Variants in NUP93 observed in about 807,000 individuals in gnomAD.
The protein encoded by NUP93 is nucleoporin 93, also known as nuclear pore complex protein Nup93.
Under a neutral mutation model 107.8 loss-of-function variants are expected in NUP93, and 55 were observed. The observed-to-expected ratio is 0.51, with a 90% CI of 0.41 to 0.64. NUP93 has a LOEUF of 0.64. NUP93 is among the 30% of genes least tolerant of loss of function. The probability of loss-of-function intolerance (pLI) is 0.00; values close to 1 mark genes in which losing one functional copy is unlikely to be tolerated. For synonymous variants in NUP93, 390 were observed against 397.5 expected, an observed-to-expected ratio of 0.98 and a Z score of 0.22; for missense variants, 937 against 1,044.7, an observed-to-expected ratio of 0.90 and a Z score of 1.42.
intron 3 of NUP93, among the ~76,000 whole-genome samples, chr16:56,795,547 A>G (rs924491830): frequency 1.3e-5 from 2 of 152,202 alleles, no homozygotes; most frequent in Admixed American, 6.5e-5. Context: ...GCCATTCGCC[A>G]TCCTACCCCC....
At position 56,773,687 on chromosome 16, in the gene NUP93, CTG is replaced by C. The variant is rs1271504399; in HGVS notation, c.297+15036_297+15037del. Among the ~76,000 whole-genome samples, 3 of 152,310 alleles carry C rather than the reference CTG, an allele frequency of 2.0e-5. No homozygotes were observed. In the East Asian group the frequency reaches 5.8e-4, roughly 29 times the overall value. ...AATCTGTGAGGGTGCGACCCAGAGTCTGTGTTTTAACAAGTACTCCAGCTTGA... is the reference window on the plus strand; with the variant it reads ...AATCTGTGAGGGTGCGACCCAGAGTCTGTTTTAACAAGTACTCCAGCTTGA... On this transcript the variant is annotated intron_variant, in intron 3 of 21. Transcript: ENST00000308159.
intron 6 of NUP93, 80 bp downstream of exon 6, chr16:56,818,818 A>G: frequency 3.3e-6 from 4 of 1,226,958 alleles, no homozygotes; most frequent in Non-Finnish European, 4.7e-6. Flanking sequence ...AAAAACTTGT[A>G]AAAGTCAAAC....
At chr16:56,735,463 A>G (rs1419198557) in intron 1 of NUP93, among the ~76,000 whole-genome samples, 1 of 152,204 alleles carries the variant, frequency 6.6e-6, no homozygotes, top group African/African-American at 2.4e-5. Flanking sequence ...TCTGGGAGGT[A>G]GAAAGTTAAA....
intron 9 of NUP93, among the ~76,000 whole-genome samples, chr16:56,829,916 T>C (rs549920273): frequency 6.6e-6 from 1 of 151,784 alleles, no homozygotes; most frequent in Non-Finnish European, 1.5e-5. Flanking sequence ...TCTGGAGGAG[T>C]TGAAGAAAAG....
chr16:56,740,773 CG>C (rs1171699287), intron 1 of NUP93: 1 of 157,464 alleles, frequency 6.4e-6, no homozygotes, highest in Admixed American at 6.5e-5. Flanking sequence ...TCTGCAGTCC[CG>C]GCACCTCGGG....
At chr16:56,747,779 G>C (rs1280655715) in intron 1 of NUP93, 1 of 152,906 alleles carries the variant, frequency 6.5e-6, no homozygotes, top group African/African-American at 2.4e-5. Flanking sequence ...TGGTTATGAG[G>C]GTCATTTGAC....
chr16:56,772,928 C>T (rs1962349067), intron 3 of NUP93, among the ~76,000 whole-genome samples: 1 of 152,190 alleles, frequency 6.6e-6, no homozygotes, highest in Admixed American at 6.5e-5. Flanking sequence ...TTCCTCCAGC[C>T]TGCTGGGAAG....
chr16:56,829,622 A>T (rs1567408923), intron 9 of NUP93, among the ~76,000 whole-genome samples: 1 of 152,210 alleles, frequency 6.6e-6, no homozygotes, highest in Non-Finnish European at 1.5e-5. Context: ...ACTTGCTCTT[A>T]AAGAATAGGA....
intron 4 of NUP93, among the ~76,000 whole-genome samples, chr16:56,798,909 A>C (rs1364717845): frequency 6.6e-6 from 1 of 151,704 alleles, no homozygotes; most frequent in Non-Finnish European, 1.5e-5. Context: ...GTAGCAGTAT[A>C]TACTAGGGGA....
chr16:56,748,357 A>T lies in NUP93; in HGVS notation c.110A>T (p.Gln37Leu). 2.5e-6 allele frequency: 4 copies of T among 1,614,066 alleles called. No individual in the cohort carries two copies. Among genetic ancestry groups the T allele is most frequent in the Non-Finnish European group, 3.4e-6 (4 of 1,180,004 alleles). ...PHVERNLQEI[Q>L]QAGERLRSRT... ...GTGGAACGGAACTTACAGGAGATCC[A>T]GCAGGCGGGAGAGCGCCTGCGTTCC... The change falls in exon 2 of 22, where the codon CAG becomes CTG. Residue 37 changes from glutamine to leucine, a missense_variant. Coordinates refer to ENST00000308159, the MANE Select transcript of NUP93 (RefSeq NM_014669.5).
At chr16:56,832,128 C>T (rs570281825) in intron 11 of NUP93, 121 bp downstream of exon 11, 75 of 1,311,228 alleles carry the variant, frequency 5.7e-5, no homozygotes, top group Middle Eastern at 2.3e-4. Context: ...GTGGGTTCCT[C>T]GTCTCCTGTC....
intron 2 of NUP93, among the ~76,000 whole-genome samples, chr16:56,752,898 G>T (rs1961949709): frequency 1.3e-5 from 2 of 152,160 alleles, no homozygotes; most frequent in African/African-American, 4.8e-5. Context: ...ACCATTCATT[G>T]TGAAAAGAAC....
At chr16:56,811,803 G>A (rs893476755) in intron 5 of NUP93, among the ~76,000 whole-genome samples, 7 of 152,146 alleles carry the variant, frequency 4.6e-5, no homozygotes, top group Non-Finnish European at 8.8e-5. Flanking sequence ...CTGTTGTTAC[G>A]TAAGGAATGT....
At chr16:56,809,302 T>G (rs1417078413) in intron 5 of NUP93, among the ~76,000 whole-genome samples, 1 of 152,154 alleles carries the variant, frequency 6.6e-6, no homozygotes, top group Non-Finnish European at 1.5e-5. Flanking sequence ...TCCAAGTTAC[T>G]TAATTAACCC....
chr16:56,739,435 G>A (rs1961670569), intron 1 of NUP93, among the ~76,000 whole-genome samples: 4 of 66,518 alleles, frequency 6.0e-5, no homozygotes, highest in African/African-American at 2.0e-4. Context: ...GCGGCTGGCC[G>A]GGCAGAGGGG....
At position 56,834,192 on chromosome 16, in the gene NUP93, G is replaced by C; in HGVS notation, c.1602G>C (p.Leu534=). 1 of 1,614,148 alleles carries C rather than the reference G, an allele frequency of 6.2e-7. No homozygotes were observed. The change falls in exon 14 of 22, where the codon CTG becomes CTC. Residue 534 remains leucine (L), a synonymous_variant. Coordinates refer to ENST00000308159, the MANE Select transcript of NUP93 (RefSeq NM_014669.5). ...RRLNFVRLLM[L]YTRKFESTDP... Reference sequence around the variant, plus strand: ...TGAACTTCGTGCGGCTCCTCATGCTGTACACCCGGAAGTTTGAGTCCACGG... The same window carrying C: ...TGAACTTCGTGCGGCTCCTCATGCTCTACACCCGGAAGTTTGAGTCCACGG...
intron 6 of NUP93, among the ~76,000 whole-genome samples, chr16:56,820,528 G>A (rs1429294376): frequency 2.6e-5 from 4 of 152,240 alleles, no homozygotes; most frequent in Non-Finnish European, 4.4e-5. Flanking sequence ...TGTTGGCTAG[G>A]CTGGTCTTGA....
intron 3 of NUP93, among the ~76,000 whole-genome samples, chr16:56,789,928 G>A (rs920472434): frequency 1.5e-4 from 23 of 152,100 alleles, no homozygotes; most frequent in East Asian, 9.7e-4. Context: ...ATGAAAACCC[G>A]TCTCTACTAA....
intron 4 of NUP93, among the ~76,000 whole-genome samples, chr16:56,801,938 TCCACTGTCCTCTTC>T (rs1963029357): frequency 6.6e-6 from 1 of 152,202 alleles, no homozygotes; most frequent in African/African-American, 2.4e-5. Context: ...AAAGTCTGTC[TCCACTGTCCTCTTC>T]AGCAGTCTCT....
Sources: allele counts gnomAD v4.1 joint callset (sites outside exome capture counted in the v4.1 genomes callset), GRCh38; gene constraint gnomAD v4.1.1; transcripts MANE v1.5; gene names NCBI Gene and HGNC (gene_info 2026-07-23, HGNC 2026-07-21).